KANK3: variants seen among roughly 807,000 people sequenced by gnomAD.
KANK3 encodes the protein KN motif and ankyrin repeat domains 3.
A neutral mutation model predicts 65.4 loss-of-function variants in KANK3; 61 were observed. The observed-to-expected ratio is 0.93, with a 90% CI of 0.76 to 1.15. The LOEUF (loss-of-function observed/expected upper bound fraction) is 1.15. Among genes scored for constraint, KANK3 ranks in the 50% most tolerant of loss-of-function variants. The probability of loss-of-function intolerance (pLI) is 0.00; values close to 1 mark genes in which losing one functional copy is unlikely to be tolerated. For missense variants in KANK3, 1,187 were observed against 1,178.8 expected, an observed-to-expected ratio of 1.01 and a Z score of -0.10; for synonymous variants, 586 against 543.3, an observed-to-expected ratio of 1.08 and a Z score of -1.09.
chr19:8,327,650 T>C (rs1970452672), intron 7 of KANK3, among the ~76,000 whole-genome samples: 2 of 151,876 alleles, frequency 1.3e-5, no homozygotes, highest in South Asian at 4.2e-4. Context: ...AAAAATTAGC[T>C]GAGTGTGGTG....
chr19:8,339,351 A>G (rs1970692412), intron 1 of KANK3, among the ~76,000 whole-genome samples: 1 of 132,452 alleles, frequency 7.5e-6, no homozygotes, highest in African/African-American at 2.9e-5. Flanking sequence ...GCGAGACCCT[A>G]TCTCTTTTTG....
At position 8,334,843 on chromosome 19, in the gene KANK3, C is replaced by T. The variant is rs1408362694; in HGVS notation, c.984G>A (p.Glu328=). The T allele has an allele frequency of 6.8e-7, 1 of 1,473,702 alleles. No individual in the cohort carries two copies. Among genetic ancestry groups the T allele is most frequent in the Non-Finnish European group, 8.9e-7 (1 of 1,121,776 alleles). 91.3% of individuals were successfully genotyped at this position (1,473,702 alleles called of 1,614,324 possible). ...CCGCCTCCACGGTCTCGGGGGCAGC[C>T]TCCACGCCGGCCTCCCGGGTCTCCG... ...AVPETREAGV[E]AAPETVEADA... is the part of the protein sequence containing the mutation. Residue 328 remains glutamate, a synonymous_variant, in exon 3 of 11, where the codon GAG becomes GAA. Transcript: ENST00000330915.
intron 2 of KANK3, 115 bp from the exon 3 acceptor site, chr19:8,335,907 C>A: frequency 1.5e-6 from 1 of 687,854 alleles, no homozygotes; most frequent in Non-Finnish European, 2.0e-6. Context: ...TATCTGTACC[C>A]AAGTATTAAC....
chr19:8,333,248 C>A lies in KANK3; in HGVS notation c.1720-18G>T. 1 of 1,589,252 alleles carries A rather than the reference C, an allele frequency of 6.3e-7. No homozygotes were observed. The highest frequency in any genetic ancestry group is 8.6e-7 in the Non-Finnish European group (1 of 1,165,074). ...ACTGCGCCCTGCAAGGGACAGGGGC[C>A]AAGATAACATCGGCGATGGTCCACG... On this transcript the variant is annotated intron_variant, in intron 6 of 10. Coordinates refer to ENST00000330915, the MANE Select transcript of KANK3 (RefSeq NM_198471.3). This position sits in a 1 kb window ranked among gnomAD's most constrained non-coding sequence, Gnocchi z 5.0.
rs1400004497 is a variant in KANK3 at position 8,333,279 on chromosome 19, G to A, written c.1720-49C>T. On this transcript the variant is annotated intron_variant, in intron 6 of 10. Transcript: ENST00000330915. The surrounding 1 kb of genome is among the most constrained non-coding windows in gnomAD (Gnocchi z 5.0). ...AACATCGGCGATGGTCCACGGCGGCGCCGTGGTGGGGGAGCTGGGGAGGGG... is the reference window on the plus strand; with the variant it reads ...AACATCGGCGATGGTCCACGGCGGCACCGTGGTGGGGGAGCTGGGGAGGGG... The A allele has an allele frequency of 6.7e-6, 10 of 1,486,470 alleles. No individual in the cohort carries two copies. The highest frequency in any genetic ancestry group is 4.6e-4 in the Middle Eastern group (2 of 4,354). 92.1% of individuals were successfully genotyped at this position (1,486,470 alleles called of 1,614,324 possible). A position where few individuals can be genotyped will look rare whatever the true frequency, so the allele number is the denominator to read the frequency against.
In KANK3 at chr19:8,335,678, T is replaced by C. The variant is rs1270499799; in HGVS notation, c.149A>G (p.Lys50Arg). The C allele has an allele frequency of 8.0e-7, 1 of 1,255,126 alleles. No homozygotes were observed. Among genetic ancestry groups the C allele is most frequent in the Non-Finnish European group, 1.0e-6 (1 of 996,190 alleles). 77.7% of individuals were successfully genotyped at this position (1,255,126 alleles called of 1,614,324 possible). A position where few individuals can be genotyped will look rare whatever the true frequency, so the allele number is the denominator to read the frequency against. ...YGFHLDLDFL[K>R]YIEELERGPA... ...GCCACGCTCCAGCTCCTCTATGTAC[T>C]TGAGGAAGTCCAGGTCCAGGTGGAA... is the stretch of plus-strand genomic sequence containing the variant. Residue 50 changes from lysine (K) to arginine (R), a missense_variant, in exon 3 of 11, where the codon AAG becomes AGG. Physicochemically the swap from Lys to Arg is conservative, Grantham distance 26 (BLOSUM62 2). Coordinates refer to ENST00000330915, the MANE Select transcript of KANK3 (RefSeq NM_198471.3).
rs1970378378 is a variant in KANK3, at chr19:8,324,299, A to C, written c.2382+150T>G. The C allele has an allele frequency of 3.2e-5, 22 of 685,392 alleles. No homozygotes were observed. In the South Asian group the frequency reaches 4.0e-4, roughly 12 times the overall value. The allele number at this position is 685,392 out of a possible 1,614,324, so 42.5% of individuals were successfully genotyped here. On this transcript the variant is annotated intron_variant, in intron 10 of 10. Transcript: ENST00000330915. ...GTGAGACCCTGTCTCCCAAAAAAGA[A>C]AAGCAGCCACATAGGAGAATCCAGA...
chr19:8,336,603 T>C (rs117405190), intron 2 of KANK3, among the ~76,000 whole-genome samples: 67,896 of 145,918 alleles, frequency 0.47, 15,805 homozygotes, highest in African/African-American at 0.56. Context: ...TACATATATA[T>C]ACATAGCTGT....
intron 10 of KANK3, 128 bp downstream of exon 10, chr19:8,324,321 C>T: frequency 2.6e-6 from 2 of 773,700 alleles, no homozygotes; most frequent in East Asian, 5.4e-5. Context: ...TAGGAGAATC[C>T]AGACACTGGT....
intron 7 of KANK3, among the ~76,000 whole-genome samples, chr19:8,332,299 T>G (rs1479298350): frequency 2.6e-5 from 4 of 151,930 alleles, no homozygotes; most frequent in African/African-American, 9.7e-5. Context: ...TGCCTCAGCC[T>G]CCTGAGTAGC....
chr19:8,338,732 G>A (rs35720573), intron 1 of KANK3, among the ~76,000 whole-genome samples: 22,605 of 151,722 alleles, frequency 0.15, 2,057 homozygotes, highest in Non-Finnish European at 0.21. Context: ...AAAAGTAGCC[G>A]GGCGTGGTGG....
At chr19:8,339,119 A>G (rs911654719) in intron 1 of KANK3, among the ~76,000 whole-genome samples, 61 of 152,082 alleles carry the variant, frequency 4.0e-4, no homozygotes, top group African/African-American at 1.4e-3. Flanking sequence ...AGCTGTGACT[A>G]TTCATGGGGC....
intron 2 of KANK3, 32 bp downstream of exon 2, chr19:8,337,763 A>T (rs756424677): frequency 8.7e-6 from 14 of 1,604,064 alleles, no homozygotes; most frequent in Non-Finnish European, 1.1e-5. Flanking sequence ...GCATGCGCAC[A>T]CACACACACA....
chr19:8,334,050 C>A lies in KANK3; in HGVS notation c.1494G>T (p.Glu498Asp). ...CGGAGCCCGAGGAGCTACCCGGGGG[C>A]TCGGCGCCACCGTTCTCGCTGTCGC... ...SDGDSENGGA[E>D]PPGSSSGSGD... is the part of the protein sequence containing the mutation. Residue 498 changes from glutamate (E) to aspartate (D), a missense_variant, in exon 5 of 11, where the codon GAG (glutamate) becomes GAT (aspartate). This residue lies in a region of KANK3 where 1,078 missense variants were observed against 1,038.2 expected (regional missense o/e 1.04). Coordinates refer to ENST00000330915, the MANE Select transcript of KANK3 (RefSeq NM_198471.3). 1 of 1,539,896 alleles carries A rather than the reference C, an allele frequency of 6.5e-7. No homozygotes were observed. The highest frequency in any genetic ancestry group is 8.7e-7 in the Non-Finnish European group (1 of 1,147,922).
Position 8,324,951 on chromosome 19 carries a change from C to G in KANK3, c.2082G>C (p.Gln694His). 1 of 1,613,080 alleles carries G rather than the reference C, an allele frequency of 6.2e-7. No individual in the cohort carries two copies. Among genetic ancestry groups the G allele is most frequent in the Non-Finnish European group, 8.5e-7 (1 of 1,179,476 alleles). The change falls in exon 8 of 11, where the codon CAG becomes CAC. Residue 694 changes from glutamine (Q) to histidine (H), a missense_variant and splice_region_variant. Transcript: ENST00000330915. ...CMGDVNAKAS[Q>H]TGQTALMLAI... Reference sequence around the variant, plus strand: ...AGCCACAGTGGGGGCGCCCACGCACCTGACTGGCCTTGGCATTGACATCAC... The same window carrying G: ...AGCCACAGTGGGGGCGCCCACGCACGTGACTGGCCTTGGCATTGACATCAC...
At chr19:8,336,420 G>A (rs1210342696) in intron 2 of KANK3, among the ~76,000 whole-genome samples, 2 of 131,554 alleles carry the variant, frequency 1.5e-5, no homozygotes, top group South Asian at 2.5e-4. Flanking sequence ...CTGGGCGACA[G>A]AAGAGAACCT....
In KANK3 at chr19:8,335,280, G is replaced by T. The variant is rs1223943711; in HGVS notation, c.547C>A (p.Leu183Met). ...GCCATCTGCTCGCGCACCAGCTGCA[G>T]TTGGGCAGGGCCGGGCGAAGCAGGG... is the stretch of plus-strand genomic sequence containing the variant. Reference protein sequence around the residue: ...LAPASPGPAQLQLVREQMAAA... With the variant: ...LAPASPGPAQMQLVREQMAAA... The change falls in exon 3 of 11, where the codon CTG becomes ATG. Residue 183 changes from leucine (L) to methionine (M), a missense_variant. Physicochemically the swap from Leu to Met is conservative, Grantham distance 15. Around this residue, in one of 3 missense-constraint regions of KANK3, gnomAD observed 1,078 missense variants for 1,038.2 expected, o/e 1.04. Transcript: ENST00000330915. The T allele has an allele frequency of 8.2e-7, 1 of 1,218,612 alleles. No homozygotes were observed. Among genetic ancestry groups the T allele is most frequent in the Non-Finnish European group, 1.0e-6 (1 of 978,838 alleles). 75.5% of individuals were successfully genotyped at this position (1,218,612 alleles called of 1,614,324 possible).
intron 7 of KANK3, among the ~76,000 whole-genome samples, chr19:8,329,403 C>T (rs1970485634): frequency 6.8e-6 from 1 of 147,010 alleles, no homozygotes; most frequent in African/African-American, 2.5e-5. Context: ...AGGAGAATCA[C>T]TCGAACCCGG....
rs1021476358 is a variant in KANK3, at chr19:8,335,035, C to T, written c.792G>A (p.Arg264=). The change falls in exon 3 of 11, where the codon AGG becomes AGA. Residue 264 remains arginine, a synonymous_variant. Transcript: ENST00000330915. The part of the protein sequence containing the change: ...LATSERGGRA[R]ASPRADSPDG... Reference sequence around the variant, plus strand: ...CTGGGCTGTCAGCCCGGGGGCTGGCCCTGGCACGGCCGCCGCGCTCGGAGG... The same window carrying T: ...CTGGGCTGTCAGCCCGGGGGCTGGCTCTGGCACGGCCGCCGCGCTCGGAGG... 1.7e-5 allele frequency: 24 copies of T among 1,384,790 alleles called. No homozygotes were observed. Among genetic ancestry groups the T allele is most frequent in the Non-Finnish European group, 2.1e-5 (23 of 1,078,452 alleles). The allele number at this position is 1,384,790 out of a possible 1,614,324, so 85.8% of individuals were successfully genotyped here. A position where few individuals can be genotyped will look rare whatever the true frequency, so the allele number is the denominator to read the frequency against.
Sources: allele counts gnomAD v4.1 joint callset (sites outside exome capture counted in the v4.1 genomes callset), GRCh38; gene constraint gnomAD v4.1.1; regional missense constraint gnomAD v4.1.1; non-coding constraint Gnocchi (gnomAD v3.1); transcripts MANE v1.5; gene names NCBI Gene and HGNC (gene_info 2026-07-23, HGNC 2026-07-21).